ACACA: variants seen among roughly 807,000 people sequenced by gnomAD.
ACACA encodes the protein acetyl-CoA carboxylase 1.
ACACA carries 103 observed loss-of-function variants against 296.1 expected under a neutral mutation model. That is an observed-to-expected ratio of 0.35 (90% confidence interval 0.30 to 0.41). The LOEUF is 0.41. Among genes scored for constraint, ACACA ranks in the 10% least tolerant of loss-of-function variants. ACACA has a pLI of 1.00. For synonymous variants in ACACA, 953 were observed against 1,038.6 expected (o/e 0.92, Z 1.58); for missense variants, 1,554 against 2,989.7 (o/e 0.52, Z 11.20).
At chr17:37,120,152 C>T (rs2074457820) in intron 50 of ACACA, among the ~76,000 whole-genome samples, 2 of 152,132 alleles carry the variant, frequency 1.3e-5, no homozygotes, top group African/African-American at 4.8e-5. Context: ...CTCGGCCTCC[C>T]AAAGTGCTGG....
At chr17:37,286,884 C>G (rs1264316736) in intron 3 of ACACA, among the ~76,000 whole-genome samples, 1 of 152,184 alleles carries the variant, frequency 6.6e-6, no homozygotes, top group Non-Finnish European at 1.5e-5. Flanking sequence ...CTTTTGTTCT[C>G]CCAGACTTAG....
intron 1 of ACACA, among the ~76,000 whole-genome samples, chr17:37,364,590 CAAA>C (rs58523091): frequency 8.5e-5 from 8 of 94,078 alleles, no homozygotes; most frequent in Non-Finnish European, 8.3e-5. Context: ...GACTCCGTCT[CAAA>C]AAAAAAAAAA....
At chr17:37,128,894 G>A (rs1401221506) in intron 47 of ACACA, among the ~76,000 whole-genome samples, 1 of 152,204 alleles carries the variant, frequency 6.6e-6, no homozygotes, top group Non-Finnish European at 1.5e-5. Flanking sequence ...CATGCAGCGT[G>A]GGTGCTCAGA....
chr17:37,315,787 C>T (rs531585678), intron 3 of ACACA, among the ~76,000 whole-genome samples: 1 of 152,108 alleles, frequency 6.6e-6, no homozygotes, highest in Non-Finnish European at 1.5e-5. Flanking sequence ...ATGTGTTGAC[C>T]ATCCCAGAAG....
intron 41 of ACACA, among the ~76,000 whole-genome samples, chr17:37,177,182 C>T (rs1056451572): frequency 2.0e-5 from 3 of 151,016 alleles, no homozygotes; most frequent in African/African-American, 7.3e-5. Flanking sequence ...AGCTATAGTC[C>T]TATGCAACTG....
chr17:37,087,331 A>C lies in ACACA; in HGVS notation c.7137T>G (p.Asp2379Glu). Residue 2379 changes from aspartate (D) to glutamate (E), a missense_variant, in exon 56 of 56, where the codon GAT becomes GAG. This residue lies in a region of ACACA where 553 missense variants were observed against 1,043.6 expected (regional missense o/e 0.53). Coordinates refer to ENST00000616317, the MANE Select transcript of ACACA (RefSeq NM_198834.3). ...GAAGCTCTTCCTACGTGGAAGGGGA[A>C]TCCATTGTGGAGAGGATCCGTATGA... ...AEVIRILSTM[D>E]SPST 1 of 1,614,148 alleles carries C rather than the reference A, an allele frequency of 6.2e-7. No homozygotes were observed. The highest frequency in any genetic ancestry group is 8.5e-7 in the Non-Finnish European group (1 of 1,180,026).
chr17:37,243,328 G>T (rs1052500583), intron 22 of ACACA, 43 bp downstream of exon 22: 3 of 1,569,456 alleles, frequency 1.9e-6, no homozygotes, highest in Non-Finnish European at 1.8e-6. Flanking sequence ...ATAAACTCTG[G>T]CATTGGTAGC....
At chr17:37,340,749 G>T (rs905920144) in intron 1 of ACACA, among the ~76,000 whole-genome samples, 12 of 152,180 alleles carry the variant, frequency 7.9e-5, no homozygotes, top group African/African-American at 2.9e-4. Flanking sequence ...AAAAAGTTTG[G>T]ATCATGTAAC....
intron 9 of ACACA, among the ~76,000 whole-genome samples, chr17:37,272,243 T>C (rs1309447053): frequency 6.6e-6 from 1 of 152,086 alleles, no homozygotes; most frequent in Non-Finnish European, 1.5e-5. Context: ...ACTTGGAGGC[T>C]GAGGCAGGAG....
intron 48 of ACACA, among the ~76,000 whole-genome samples, chr17:37,125,457 TA>T (rs2074735271): frequency 6.6e-6 from 1 of 152,172 alleles, no homozygotes; most frequent in Admixed American, 6.5e-5. Flanking sequence ...CCTGAAACAT[TA>T]TAAAAAGGAA....
intron 3 of ACACA, among the ~76,000 whole-genome samples, chr17:37,291,539 T>A (rs1296455441): frequency 6.6e-6 from 1 of 152,160 alleles, no homozygotes; most frequent in Non-Finnish European, 1.5e-5. Flanking sequence ...AAAGCTGTGT[T>A]GGGCCTCATC....
chr17:37,347,165 T>A (rs1335182965), intron 1 of ACACA, among the ~76,000 whole-genome samples: 1 of 152,092 alleles, frequency 6.6e-6, no homozygotes. Context: ...AGTGAATAAG[T>A]CTCACGAGTT....
intron 45 of ACACA, chr17:37,144,359 C>T (rs2075725413): frequency 2.1e-6 from 1 of 479,422 alleles, no homozygotes; most frequent in Non-Finnish European, 3.8e-6. Context: ...CTTGCCCCGG[C>T]GCTGTCTCTA....
At chr17:37,311,527 T>C (rs2084144237) in intron 3 of ACACA, among the ~76,000 whole-genome samples, 1 of 152,014 alleles carries the variant, frequency 6.6e-6, no homozygotes, top group South Asian at 2.1e-4. Context: ...AATTACTAGA[T>C]AGTCTCTATT....
At chr17:37,315,294 A>G (rs2047038244) in intron 3 of ACACA, among the ~76,000 whole-genome samples, 1 of 152,168 alleles carries the variant, frequency 6.6e-6, no homozygotes, top group African/African-American at 2.4e-5. Context: ...TTGCACAGTT[A>G]AGGAGAACCT....
chr17:37,261,321 G>C (rs550136872), intron 11 of ACACA, among the ~76,000 whole-genome samples: 1 of 152,336 alleles, frequency 6.6e-6, no homozygotes, highest in East Asian at 1.9e-4. Context: ...AAGAGAGATA[G>C]GCTAAGCACA....
intron 1 of ACACA, among the ~76,000 whole-genome samples, chr17:37,390,209 A>G (rs2050752038): frequency 1.2e-5 from 1 of 81,750 alleles, no homozygotes; most frequent in Non-Finnish European, 2.1e-5. Context: ...ATATATAATT[A>G]TATATTTATT....
chr17:37,189,480 T>C (rs565385454), intron 38 of ACACA, among the ~76,000 whole-genome samples: 2 of 152,346 alleles, frequency 1.3e-5, no homozygotes, highest in East Asian at 3.9e-4. Flanking sequence ...TACTTGCTTG[T>C]TAACCAAGAG....
At chr17:37,328,607 C>T (rs191808883) in intron 3 of ACACA, 21 of 286,542 alleles carry the variant, frequency 7.3e-5, no homozygotes, top group Non-Finnish European at 1.3e-4. Flanking sequence ...AGCCCCGATC[C>T]CAAGCCCCAG....
Sources: allele counts gnomAD v4.1 joint callset (sites outside exome capture counted in the v4.1 genomes callset), GRCh38; gene constraint gnomAD v4.1.1; regional missense constraint gnomAD v4.1.1; transcripts MANE v1.5; gene names NCBI Gene and HGNC (gene_info 2026-07-23, HGNC 2026-07-21).